SIN3A: variants seen among roughly 807,000 people sequenced by gnomAD.
The protein encoded by SIN3A is paired amphipathic helix protein Sin3a.
Under a neutral mutation model 146.1 loss-of-function variants are expected in SIN3A, and 14 were observed. The ratio of observed to expected loss-of-function variants is 0.10; its 90% confidence interval spans 0.06 to 0.15. The LOEUF (loss-of-function observed/expected upper bound fraction) is 0.15, where lower values mean the gene tolerates loss of function less well. Among genes scored for constraint, SIN3A ranks in the 10% least tolerant of loss-of-function variants. The pLI, the probability that SIN3A is intolerant of heterozygous loss-of-function variation, is 1.00. For synonymous variants in SIN3A, 572 were observed against 572.0 expected, an observed-to-expected ratio of 1.00 and a Z score of 0.00; for missense variants, 1,028 against 1,576.0, an observed-to-expected ratio of 0.65 and a Z score of 5.89.
chr15:75,436,754 G>C (rs1206536335), intron 1 of SIN3A, among the ~76,000 whole-genome samples: 1 of 151,266 alleles, frequency 6.6e-6, no homozygotes, highest in Non-Finnish European at 1.5e-5. Flanking sequence ...CAGGTTCTGA[G>C]GATTAGGAAA....
chr15:75,402,877 C>T (rs2073437405), intron 9 of SIN3A, among the ~76,000 whole-genome samples: 1 of 152,166 alleles, frequency 6.6e-6, no homozygotes, highest in African/African-American at 2.4e-5. Context: ...ACAAGTGATC[C>T]ACCCGCCTTG....
In SIN3A at chr15:75,380,685, A is replaced by G; in HGVS notation, c.3327T>C (p.Asp1109=). The change falls in exon 19 of 21, where the codon GAT becomes GAC. Residue 1109 remains aspartate (D), a synonymous_variant. Transcript: ENST00000394947. ...SDYVERYMNS[D]TTSPELREHL... is the part of the protein sequence containing the mutation. Reference sequence around the variant, plus strand: ...GTTCACGAAGCTCAGGCGAGGTAGTATCTGAATTCATGTATCGCTCCACGT... The same window carrying G: ...GTTCACGAAGCTCAGGCGAGGTAGTGTCTGAATTCATGTATCGCTCCACGT... 1 of 1,614,110 alleles carries G rather than the reference A, an allele frequency of 6.2e-7. No homozygotes were observed. The highest frequency in any genetic ancestry group is 8.5e-7 in the Non-Finnish European group (1 of 1,179,984).
chr15:75,378,586 A>G (rs565715802), intron 19 of SIN3A, among the ~76,000 whole-genome samples: 1 of 152,216 alleles, frequency 6.6e-6, no homozygotes, highest in South Asian at 2.1e-4. Context: ...ACAAAAACAA[A>G]AACTATCACT....
chr15:75,453,830 A>T (rs748290173), upstream of SIN3A: 1 of 152,292 alleles, frequency 6.6e-6, no homozygotes, highest in South Asian at 2.1e-4. Context: ...CCCGAAATCC[A>T]CTCCGCACTG....
intron 1 of SIN3A, among the ~76,000 whole-genome samples, chr15:75,438,938 A>G (rs577319731): frequency 1.3e-5 from 2 of 152,372 alleles, no homozygotes; most frequent in South Asian, 4.1e-4. Context: ...ATCTGCTAAG[A>G]AAGAATCTAT....
At chr15:75,386,588 G>A (rs150039602) in intron 16 of SIN3A, among the ~76,000 whole-genome samples, 1 of 152,326 alleles carries the variant, frequency 6.6e-6, no homozygotes, top group East Asian at 1.9e-4. Flanking sequence ...GGTACTGGGA[G>A]GGCAAGCCAA....
intron 17 of SIN3A, among the ~76,000 whole-genome samples, chr15:75,382,624 A>T (rs1009911077): frequency 6.6e-6 from 1 of 152,240 alleles, no homozygotes; most frequent in Non-Finnish European, 1.5e-5. Context: ...AAGACCCAGA[A>T]GTGTTGTTAA....
intron 3 of SIN3A, chr15:75,415,912 G>T: frequency 3.3e-6 from 1 of 298,564 alleles, no homozygotes; most frequent in South Asian, 3.7e-5. Flanking sequence ...TACCCAAAGG[G>T]AAAAAGGAAA....
chr15:75,451,798 C>T (rs553901449), upstream of SIN3A: 8 of 151,998 alleles, frequency 5.3e-5, no homozygotes, highest in African/African-American at 1.9e-4. Context: ...AGCCAACCAC[C>T]GAGGCCTGTC....
At chr15:75,432,995 C>T (rs564806679) in intron 1 of SIN3A, among the ~76,000 whole-genome samples, 2 of 152,198 alleles carry the variant, frequency 1.3e-5, no homozygotes, top group Admixed American at 1.3e-4. Context: ...TGAGCAAATT[C>T]GCACCACTGC....
chr15:75,446,173 G>A (rs938396266), intron 1 of SIN3A: 7 of 152,012 alleles, frequency 4.6e-5, no homozygotes, highest in African/African-American at 1.7e-4. Context: ...CAGGTATCAA[G>A]AACAAAAGGC....
intron 1 of SIN3A, among the ~76,000 whole-genome samples, chr15:75,450,903 A>T (rs1476254780): frequency 6.6e-6 from 1 of 152,102 alleles, no homozygotes; most frequent in African/African-American, 2.4e-5. Flanking sequence ...GGCCAAGGGG[A>T]GTGGCATCAC....
At chr15:75,436,669 A>G (rs1337172257) in intron 1 of SIN3A, among the ~76,000 whole-genome samples, 1 of 152,066 alleles carries the variant, frequency 6.6e-6, no homozygotes, top group Non-Finnish European at 1.5e-5. Context: ...GGTGTTCATT[A>G]TATTTACTAA....
chr15:75,449,012 T>G (rs528485420), intron 1 of SIN3A, among the ~76,000 whole-genome samples: 3 of 152,356 alleles, frequency 2.0e-5, no homozygotes, highest in Admixed American at 6.5e-5. Flanking sequence ...GAAGCATTTA[T>G]GAAAATGTTC....
At chr15:75,413,214 G>T (rs557033408) in intron 4 of SIN3A, among the ~76,000 whole-genome samples, 169 bp from the exon 5 acceptor site, 1 of 151,970 alleles carries the variant, frequency 6.6e-6, no homozygotes, top group Non-Finnish European at 1.5e-5. Flanking sequence ...TCCACCTCCC[G>T]AGTTCAAGTG....
intron 6 of SIN3A, among the ~76,000 whole-genome samples, chr15:75,411,031 TA>T (rs1756814718): frequency 7.0e-6 from 1 of 142,246 alleles, no homozygotes; most frequent in Non-Finnish European, 1.5e-5. Flanking sequence ...GTCAGGCAAA[TA>T]AAACTGGCTT....
chr15:75,412,744 A>G lies in SIN3A; in HGVS notation c.756+19T>C, dbSNP rs1186804240. 1.3e-6 allele frequency: 2 copies of G among 1,546,810 alleles called. No individual in the cohort carries two copies. Among genetic ancestry groups the G allele is most frequent in the East Asian group, 2.3e-5 (1 of 43,818 alleles). ...CTAGGGATGCATTCATATTGATGCA[A>G]TATTTTCCAAGTGCTCACCTTGCTG... is the stretch of plus-strand genomic sequence containing the variant. On this transcript the variant is annotated intron_variant, in intron 5 of 20. Transcript: ENST00000394947.
intron 1 of SIN3A, among the ~76,000 whole-genome samples, chr15:75,438,291 G>C (rs1409373859): frequency 6.6e-6 from 1 of 152,100 alleles, no homozygotes; most frequent in African/African-American, 2.4e-5. Context: ...CTTGAACCCA[G>C]GGTGCGGAGG....
At position 75,438,782 on chromosome 15, in the gene SIN3A, T is replaced by C. The variant is rs570345928; in HGVS notation, c.-33-8374A>G. Among the ~76,000 whole-genome samples the C allele has an allele frequency of 3.8e-4, 58 of 152,360 alleles. 1 individual carries two copies. Among genetic ancestry groups the C allele is most frequent in the African/African-American group, 1.3e-3 (56 of 41,580 alleles). ...TAAATGCATACTCTTTTTTGCTTAT[T>C]TTTAAATGCATATTCTTGAAACAAT... On this transcript the variant is annotated intron_variant, in intron 1 of 20. Transcript: ENST00000394947.
Sources: gnomAD v4.1 joint callset for allele counts (sites outside exome capture counted in the v4.1 genomes callset) on GRCh38, gnomAD v4.1.1 for gene constraint, MANE v1.5 for transcripts, NCBI Gene and HGNC (gene_info 2026-07-23, HGNC 2026-07-21) for gene names.